SPAG17: variants seen among roughly 807,000 people sequenced by gnomAD.
SPAG17 encodes the protein sperm-associated antigen 17.
SPAG17 carries 169 observed loss-of-function variants against 273.6 expected under a neutral mutation model. The observed-to-expected ratio is 0.62, with a 90% CI of 0.55 to 0.70. SPAG17 has a LOEUF of 0.70. SPAG17 is among the 30% of genes least tolerant of loss of function. The probability of loss-of-function intolerance (pLI) is 0.00; values close to 1 mark genes in which losing one functional copy is unlikely to be tolerated. For synonymous variants in SPAG17, 825 were observed against 873.2 expected (o/e 0.94, Z 0.97); for missense variants, 2,557 against 2,627.8 (o/e 0.97, Z 0.59).
intron 23 of SPAG17, among the ~76,000 whole-genome samples, chr1:118,037,247 CTT>C (rs1382557011): frequency 6.6e-6 from 1 of 152,202 alleles, no homozygotes; most frequent in Non-Finnish European, 1.5e-5. Context: ...AATTCCCACA[CTT>C]AAACTTTTTT....
At chr1:117,991,389 C>T (rs1174101307) in intron 37 of SPAG17, 26 bp downstream of exon 37, 1 of 1,327,792 alleles carries the variant, frequency 7.5e-7, no homozygotes, top group African/African-American at 1.5e-5. Flanking sequence ...ATAGTAAGAA[C>T]ATGGGTATAC....
In SPAG17 at chr1:118,093,298, A is replaced by G; in HGVS notation, c.1031T>C (p.Ile344Thr). The G allele has an allele frequency of 6.2e-7, 1 of 1,610,158 alleles. No homozygotes were observed. Among genetic ancestry groups the G allele is most frequent in the South Asian group, 1.1e-5 (1 of 90,454 alleles). ...CATCAAGCAGGCAATATTTTCAAAAATATCAGTGCCCAATTTCAGCTACAA... is the reference window on the plus strand; with the variant it reads ...CATCAAGCAGGCAATATTTTCAAAAGTATCAGTGCCCAATTTCAGCTACAA... ...GEMMLKLGTD[I>T]FENIACLMYD... is the part of the protein sequence containing the mutation. Residue 344 changes from isoleucine to threonine, a missense_variant, in exon 8 of 49, where the codon ATT (isoleucine) becomes ACT (threonine). Ile to Thr is a moderately conservative substitution (Grantham distance 89). Coordinates refer to ENST00000336338, the MANE Select transcript of SPAG17 (RefSeq NM_206996.4).
At chr1:117,972,171 T>C in intron 44 of SPAG17, 124 bp from the exon 45 acceptor site, 1 of 814,862 alleles carries the variant, frequency 1.2e-6, no homozygotes, top group South Asian at 1.9e-5. Context: ...ATGTTTACAG[T>C]CTCATGTCAT....
chr1:118,101,565 C>A (rs558065400), intron 5 of SPAG17, among the ~76,000 whole-genome samples, 175 bp downstream of exon 5: 33 of 152,288 alleles, frequency 2.2e-4, no homozygotes, highest in African/African-American at 7.7e-4. Flanking sequence ...CTGCTCCAAT[C>A]GCATCACAGT....
At chr1:118,160,986 A>C (rs891486090) in intron 1 of SPAG17, among the ~76,000 whole-genome samples, 31 of 152,200 alleles carry the variant, frequency 2.0e-4, no homozygotes, top group Non-Finnish European at 3.1e-4. Flanking sequence ...TTGAGCAAGA[A>C]TAGTGTCAGG....
At chr1:118,101,682 T>A in intron 5 of SPAG17, 58 bp downstream of exon 5, 1 of 1,530,896 alleles carries the variant, frequency 6.5e-7, no homozygotes, top group Non-Finnish European at 8.9e-7. Flanking sequence ...CTGGTCTCAT[T>A]TTATTGCCAC....
intron 1 of SPAG17, among the ~76,000 whole-genome samples, chr1:118,165,975 T>C (rs1196220887): frequency 6.6e-6 from 1 of 152,208 alleles, no homozygotes; most frequent in Non-Finnish European, 1.5e-5. Context: ...ATCCTAAATA[T>C]TTGATGTGAA....
chr1:118,008,391 T>A (rs780107937), intron 30 of SPAG17, among the ~76,000 whole-genome samples, 193 bp from the exon 31 acceptor site: 2 of 152,170 alleles, frequency 1.3e-5, no homozygotes, highest in Admixed American at 6.5e-5. Flanking sequence ...CAATTCATAA[T>A]AATTCTTCCA....
rs117332009 is a variant in SPAG17 at position 118,006,263 on chromosome 1, C to T, written c.4588-661G>A. On this transcript the variant is annotated intron_variant, in intron 31 of 48. Transcript: ENST00000336338. ...GATCCTGTTAGAAATCTTTCTGGAT[C>T]ACTAGGCCTTAGGCCCTGGCAGCCA... 2.0e-3 allele frequency among the ~76,000 whole-genome samples: 311 copies of T among 152,326 alleles called. 8 individuals are homozygous for T. In the East Asian group the frequency reaches 0.045, roughly 22 times the overall value.
At chr1:117,990,959 T>C (rs1023848092) in intron 37 of SPAG17, 53 bp from the exon 38 acceptor site, 22 of 1,087,970 alleles carry the variant, frequency 2.0e-5, no homozygotes, top group East Asian at 2.7e-5. Context: ...CAAGACTTAC[T>C]TTGTTTAGAA....
chr1:118,097,879 C>A, intron 6 of SPAG17, 28 bp from the exon 7 acceptor site: 2 of 1,472,872 alleles, frequency 1.4e-6, no homozygotes, highest in Non-Finnish European at 1.8e-6. Context: ...TTTATATTAC[C>A]AAATGAGAGT....
rs376148414 is a variant in SPAG17, at chr1:118,081,226, C to T, written c.2084G>A (p.Ser695Asn). The change falls in exon 15 of 49, where the codon AGT (serine) becomes AAT (asparagine). Residue 695 changes from serine to asparagine, a missense_variant. Physicochemically the swap from Ser to Asn is conservative, Grantham distance 46 (BLOSUM62 1). Coordinates refer to ENST00000336338, the MANE Select transcript of SPAG17 (RefSeq NM_206996.4). ...CTTCATATTGTTAGCATCACACTGACTAGGATCTGAAGGTTCTCGGTTGCT... is the reference window on the plus strand; with the variant it reads ...CTTCATATTGTTAGCATCACACTGATTAGGATCTGAAGGTTCTCGGTTGCT... ...NESNREPSDP[S>N]QCDANNMKHS... 6.2e-7 allele frequency: 1 copy of T among 1,614,050 alleles called. No homozygotes were observed. Among genetic ancestry groups the T allele is most frequent in the Non-Finnish European group, 8.5e-7 (1 of 1,179,986 alleles).
At chr1:118,064,027 C>T (rs1257212993) in intron 18 of SPAG17, among the ~76,000 whole-genome samples, 2 of 152,070 alleles carry the variant, frequency 1.3e-5, no homozygotes, top group Non-Finnish European at 2.9e-5. Flanking sequence ...AAATCAAAAC[C>T]ACAATGAGAT....
chr1:117,994,567 T>C, intron 34 of SPAG17, 37 bp from the exon 35 acceptor site: 3 of 1,578,760 alleles, frequency 1.9e-6, no homozygotes, highest in South Asian at 1.2e-5. Context: ...CCATTACCCA[T>C]TGAAAGTACT....
At chr1:118,143,821 C>T (rs1334725741) in intron 3 of SPAG17, among the ~76,000 whole-genome samples, 2 of 152,288 alleles carry the variant, frequency 1.3e-5, no homozygotes, top group East Asian at 3.9e-4. Context: ...GTGATGACTT[C>T]TCTTCATTAG....
chr1:118,012,183 A>G (rs1477667356), intron 30 of SPAG17, 45 bp downstream of exon 30: 1 of 1,573,570 alleles, frequency 6.4e-7, no homozygotes, highest in Admixed American at 1.7e-5. Context: ...AACTTACGCT[A>G]AAGAGTTATA....
intron 30 of SPAG17, among the ~76,000 whole-genome samples, chr1:118,009,937 T>C (rs1659301168): frequency 6.6e-6 from 1 of 152,054 alleles, no homozygotes; most frequent in Admixed American, 6.6e-5. Flanking sequence ...AAATCTGTCA[T>C]TTGCAACAAT....
intron 43 of SPAG17, among the ~76,000 whole-genome samples, chr1:117,979,555 A>G (rs1655531217): frequency 6.6e-6 from 1 of 152,014 alleles, no homozygotes; most frequent in Non-Finnish European, 1.5e-5. Context: ...TTTCCTTGCC[A>G]CGAGCTGTTA....
intron 3 of SPAG17, among the ~76,000 whole-genome samples, chr1:118,119,844 G>A (rs1040169237): frequency 2.0e-5 from 3 of 151,906 alleles, no homozygotes; most frequent in African/African-American, 7.3e-5. Context: ...AACACAAATG[G>A]GATTATACTA....
Sources: allele counts gnomAD v4.1 joint callset (sites outside exome capture counted in the v4.1 genomes callset), GRCh38; gene constraint gnomAD v4.1.1; transcripts MANE v1.5; gene names NCBI Gene and HGNC (gene_info 2026-07-23, HGNC 2026-07-21).